The following SLC25A33 variants were observed in gnomAD, a reference collection of about 807,000 sequenced individuals.
The protein encoded by SLC25A33 is solute carrier family 25 member 33.
In SLC25A33, 15 loss-of-function variants were observed where a neutral mutation model predicts 35.5. The observed-to-expected ratio is 0.42, with a 90% CI of 0.28 to 0.65. The LOEUF is 0.65. Ranked by LOEUF, SLC25A33 falls within the 30% of genes least tolerant of loss-of-function variation. The pLI, the probability that SLC25A33 is intolerant of heterozygous loss-of-function variation, is 0.20. For missense variants in SLC25A33, 257 were observed against 398.5 expected, an observed-to-expected ratio of 0.64 and a Z score of 3.02; for synonymous variants, 136 against 148.7, an observed-to-expected ratio of 0.91 and a Z score of 0.62.
chr1:9,570,670 GATAGATAGAT>G (rs954732284), intron 4 of SLC25A33, among the ~76,000 whole-genome samples: 43 of 144,850 alleles, frequency 3.0e-4, no homozygotes, highest in African/African-American at 1.1e-3. Flanking sequence ...AAATGATATA[GATAGATAGAT>G]ATAGATAGAT....
intron 3 of SLC25A33, among the ~76,000 whole-genome samples, chr1:9,568,707 C>T (rs924298775): frequency 6.9e-4 from 104 of 151,800 alleles, no homozygotes; most frequent in Non-Finnish European, 2.6e-4. Context: ...AAAAACTAGC[C>T]GGGCGTGATG....
chr1:9,540,721 A>G (rs1047806566), intron 1 of SLC25A33, among the ~76,000 whole-genome samples: 34 of 152,120 alleles, frequency 2.2e-4, no homozygotes, highest in African/African-American at 8.0e-4. Context: ...TTATTCTGGG[A>G]TGATCATCTT....
chr1:9,564,323 G>A (rs1315587673), intron 2 of SLC25A33, among the ~76,000 whole-genome samples: 3 of 152,134 alleles, frequency 2.0e-5, no homozygotes, highest in Admixed American at 6.6e-5. Context: ...CATTGCAGGC[G>A]GGAATGTAAG....
intron 2 of SLC25A33, among the ~76,000 whole-genome samples, chr1:9,559,700 G>A (rs1332861710): frequency 1.3e-5 from 2 of 152,132 alleles, no homozygotes; most frequent in South Asian, 2.1e-4. Flanking sequence ...GGAAGCTTTA[G>A]GGGGGCTTAA....
chr1:9,544,243 A>T (rs1439504113), intron 1 of SLC25A33, among the ~76,000 whole-genome samples: 4 of 151,696 alleles, frequency 2.6e-5, no homozygotes, highest in African/African-American at 2.4e-5. Flanking sequence ...TGCAAATTAA[A>T]TCTTTATCAG....
At chr1:9,553,101 T>A (rs1335217342) in intron 1 of SLC25A33, among the ~76,000 whole-genome samples, 2 of 145,994 alleles carry the variant, frequency 1.4e-5, no homozygotes, top group African/African-American at 2.5e-5. Context: ...CTTGTTGGCC[T>A]GGCTGGTCTC....
At chr1:9,566,348 A>G (rs1406131583) in intron 2 of SLC25A33, among the ~76,000 whole-genome samples, 1 of 152,142 alleles carries the variant, frequency 6.6e-6, no homozygotes, top group Non-Finnish European at 1.5e-5. Flanking sequence ...TCTATTCTTT[A>G]TATCCCTGTA....
chr1:9,545,644 AC>A (rs964144362), intron 1 of SLC25A33, among the ~76,000 whole-genome samples: 10 of 145,456 alleles, frequency 6.9e-5, no homozygotes, highest in Non-Finnish European at 9.0e-5. Flanking sequence ...CTCGTGATCC[AC>A]CCGCCTGGGA....
intron 5 of SLC25A33, chr1:9,576,907 A>G (rs1643668329): frequency 7.7e-7 from 1 of 1,301,722 alleles, no homozygotes; most frequent in African/African-American, 1.5e-5. Context: ...AGCAAGCCAC[A>G]ACAGTTAAGG....
At chr1:9,543,076 C>G (rs1165199159) in intron 1 of SLC25A33, among the ~76,000 whole-genome samples, 3 of 152,044 alleles carry the variant, frequency 2.0e-5, no homozygotes, top group Non-Finnish European at 4.4e-5. Context: ...CCTTGGCCTC[C>G]CAAAGTGCTA....
At chr1:9,574,932 G>T (rs1643639422) in intron 5 of SLC25A33, among the ~76,000 whole-genome samples, 1 of 152,046 alleles carries the variant, frequency 6.6e-6, no homozygotes, top group Non-Finnish European at 1.5e-5. Context: ...AACCCCTGTA[G>T]GCCGGGTGCG....
chr1:9,573,584 C>T (rs1044480991), intron 5 of SLC25A33, among the ~76,000 whole-genome samples, 172 bp downstream of exon 5: 2 of 151,992 alleles, frequency 1.3e-5, no homozygotes, highest in African/African-American at 4.8e-5. Flanking sequence ...CTATAAGCAT[C>T]ATGGGAAGAT....
chr1:9,556,705 G>A (rs1375769783), intron 2 of SLC25A33, among the ~76,000 whole-genome samples: 1 of 151,750 alleles, frequency 6.6e-6, no homozygotes, highest in East Asian at 1.9e-4. Context: ...GTGTGTCTGT[G>A]TGTGTGTCTG....
chr1:9,580,595 C>T (rs1292086334), intron 6 of SLC25A33, among the ~76,000 whole-genome samples: 2 of 152,140 alleles, frequency 1.3e-5, no homozygotes, highest in African/African-American at 4.8e-5. Context: ...CGGTGGCTCA[C>T]GCCTGTAATC....
intron 4 of SLC25A33, among the ~76,000 whole-genome samples, chr1:9,570,703 T>G (rs919775605): frequency 2.4e-5 from 2 of 81,836 alleles, no homozygotes; most frequent in African/African-American, 4.9e-5. Flanking sequence ...ATAGATATAG[T>G]TTTTTTTTTT....
chr1:9,579,392 A>T (rs748317455), intron 5 of SLC25A33, among the ~76,000 whole-genome samples: 2 of 150,712 alleles, frequency 1.3e-5, no homozygotes, highest in Non-Finnish European at 3.0e-5. Flanking sequence ...ACCAGCTTCA[A>T]GTTGGGGTTC....
intron 2 of SLC25A33, among the ~76,000 whole-genome samples, chr1:9,566,664 T>A (rs1643510370): frequency 6.6e-6 from 1 of 151,710 alleles, no homozygotes; most frequent in Non-Finnish European, 1.5e-5. Flanking sequence ...CTGACCAGCA[T>A]GGAGAAACCC....
At chr1:9,549,996 C>CATATATATATATATAT (rs1314749490) in intron 1 of SLC25A33, among the ~76,000 whole-genome samples, 5 of 72,050 alleles carry the variant, frequency 6.9e-5, no homozygotes, top group African/African-American at 3.4e-4. Flanking sequence ...TTTTTCTATA[C>CATATATATATATATAT]ATATATATAT....
chr1:9,547,491 AG>A (rs1403327175), intron 1 of SLC25A33, among the ~76,000 whole-genome samples: 1 of 151,930 alleles, frequency 6.6e-6, no homozygotes, highest in African/African-American at 2.4e-5. Context: ...GTTAAGACAG[AG>A]GAAGAGAGGG....
Sources: allele counts gnomAD v4.1 joint callset (sites outside exome capture counted in the v4.1 genomes callset), GRCh38; gene constraint gnomAD v4.1.1; transcripts MANE v1.5; gene names NCBI Gene and HGNC (gene_info 2026-07-23, HGNC 2026-07-21).